FUT9: variants seen among roughly 807,000 people sequenced by gnomAD.
FUT9 encodes the protein fucosyltransferase 9.
FUT9 carries 15 observed loss-of-function variants against 29.7 expected under a neutral mutation model. That is an observed-to-expected ratio of 0.51 (90% CI 0.34 to 0.78). The LOEUF (loss-of-function observed/expected upper bound fraction) is 0.78, where lower values mean the gene tolerates loss of function less well. FUT9 is among the 30% of genes least tolerant of loss of function. The pLI is 0.01. For missense variants in FUT9, 319 were observed against 425.4 expected, an observed-to-expected ratio of 0.75 and a Z score of 2.20; for synonymous variants, 169 against 153.7, an observed-to-expected ratio of 1.10 and a Z score of -0.74.
chr6:96,030,048 C>G (rs1265899412), intron 1 of FUT9, among the ~76,000 whole-genome samples: 1 of 151,532 alleles, frequency 6.6e-6, no homozygotes, highest in African/African-American at 2.4e-5. Flanking sequence ...ATGGGTTTTT[C>G]TGATGACCAG....
At chr6:96,153,602 C>T (rs758442444) in intron 2 of FUT9, among the ~76,000 whole-genome samples, 3 of 152,122 alleles carry the variant, frequency 2.0e-5, no homozygotes, top group Non-Finnish European at 4.4e-5. Flanking sequence ...GTATCTGAAT[C>T]AAGATAATGA....
chr6:96,169,680 T>G (rs920208510), intron 2 of FUT9, among the ~76,000 whole-genome samples: 1 of 152,178 alleles, frequency 6.6e-6, no homozygotes. Context: ...CTAAAGTACT[T>G]CGGCAGTATA....
intron 2 of FUT9, among the ~76,000 whole-genome samples, chr6:96,196,136 G>A (rs138130668): frequency 2.8e-4 from 43 of 152,302 alleles, no homozygotes; most frequent in African/African-American, 8.2e-4. Flanking sequence ...TGTGGGAATA[G>A]AGAGGTGGTG....
intron 1 of FUT9, among the ~76,000 whole-genome samples, chr6:96,075,602 A>G (rs1274575875): frequency 1.3e-5 from 2 of 152,286 alleles, no homozygotes; most frequent in East Asian, 3.9e-4. Flanking sequence ...TATATTTTGA[A>G]AGGAAAATTA....
intron 1 of FUT9, among the ~76,000 whole-genome samples, chr6:96,062,668 AC>A (rs1428058336): frequency 6.6e-6 from 1 of 152,194 alleles, no homozygotes; most frequent in Non-Finnish European, 1.5e-5. Context: ...AGGGTTTAAC[AC>A]TGCATAGTGA....
At chr6:96,083,087 A>G (rs1771264214) in intron 1 of FUT9, among the ~76,000 whole-genome samples, 1 of 151,918 alleles carries the variant, frequency 6.6e-6, no homozygotes, top group Non-Finnish European at 1.5e-5. Context: ...TGAACATTTT[A>G]TATTTCCTTA....
intron 1 of FUT9, among the ~76,000 whole-genome samples, chr6:96,025,554 CTGTGTA>C (rs1258670185): frequency 2.0e-5 from 3 of 151,578 alleles, no homozygotes; most frequent in Non-Finnish European, 3.0e-5. Flanking sequence ...AGTTATGTTT[CTGTGTA>C]AATAAGCGAG....
chr6:96,094,955 G>A (rs1318843499), intron 1 of FUT9, among the ~76,000 whole-genome samples: 1 of 152,038 alleles, frequency 6.6e-6, no homozygotes, highest in Non-Finnish European at 1.5e-5. Flanking sequence ...CCTGAGCAGT[G>A]TACACGGTAC....
chr6:96,114,419 T>G (rs1366225040), intron 2 of FUT9, among the ~76,000 whole-genome samples: 1 of 151,820 alleles, frequency 6.6e-6, no homozygotes, highest in African/African-American at 2.4e-5. Flanking sequence ...TTAAAATTTC[T>G]ATATTCTTTT....
intron 2 of FUT9, among the ~76,000 whole-genome samples, chr6:96,171,579 T>A (rs1049889252): frequency 1.1e-4 from 17 of 152,198 alleles, no homozygotes; most frequent in African/African-American, 3.9e-4. Flanking sequence ...CACAAACATT[T>A]TGCTTTTGTT....
intron 2 of FUT9, among the ~76,000 whole-genome samples, chr6:96,162,696 A>G (rs1293962582): frequency 6.6e-6 from 1 of 152,196 alleles, no homozygotes; most frequent in Non-Finnish European, 1.5e-5. Context: ...TCAGAGACCA[A>G]CGTTAACTAG....
intron 2 of FUT9, among the ~76,000 whole-genome samples, chr6:96,178,021 A>G (rs1773237068): frequency 6.6e-6 from 1 of 152,160 alleles, no homozygotes; most frequent in Non-Finnish European, 1.5e-5. Context: ...AAGGACTAAA[A>G]GAGCATCACA....
At chr6:96,182,052 G>A (rs1167809066) in intron 2 of FUT9, among the ~76,000 whole-genome samples, 1 of 151,950 alleles carries the variant, frequency 6.6e-6, no homozygotes. Flanking sequence ...CAGCACTGTA[G>A]AAGTGTTTCC....
intron 1 of FUT9, among the ~76,000 whole-genome samples, chr6:96,110,244 A>G (rs1219035806): frequency 6.6e-6 from 1 of 151,954 alleles, no homozygotes; most frequent in Non-Finnish European, 1.5e-5. Flanking sequence ...AGTCTCTACT[A>G]CTTTTCTCTT....
chr6:96,206,833 C>T lies in FUT9; in HGVS notation c.*2598C>T, dbSNP rs1773838819. 1.2e-5 allele frequency: 2 copies of T among 166,998 alleles called. No individual in the cohort carries two copies. The highest frequency in any genetic ancestry group is 1.3e-4 in the Admixed American group (2 of 15,262). 10.3% of individuals were successfully genotyped at this position (166,998 alleles called of 1,614,324 possible). On this transcript the variant is annotated 3_prime_UTR_variant, in exon 3 of 3. Transcript: ENST00000302103. ...TCAATATTATTTCAACCTGCCTTGG[C>T]TCTAGTGAATGTTCATGATTTGAAA...
chr6:96,187,092 C>CTG (rs1349725714), intron 2 of FUT9, among the ~76,000 whole-genome samples: 11 of 152,108 alleles, frequency 7.2e-5, no homozygotes, highest in African/African-American at 2.7e-4. Flanking sequence ...GGTTACCAGC[C>CTG]AAGCCTAATG....
intron 2 of FUT9, among the ~76,000 whole-genome samples, chr6:96,126,204 A>G (rs1772130904): frequency 6.6e-6 from 1 of 152,228 alleles, no homozygotes; most frequent in Non-Finnish European, 1.5e-5. Context: ...AATTTATGGT[A>G]CGGCAGGCTG....
intron 1 of FUT9, among the ~76,000 whole-genome samples, chr6:96,072,401 A>G (rs946394558): frequency 1.3e-5 from 2 of 152,238 alleles, no homozygotes; most frequent in African/African-American, 4.8e-5. Context: ...TATTCTCTGC[A>G]TCACTTTGTA....
chr6:96,112,866 T>G (rs755175417), intron 1 of FUT9, among the ~76,000 whole-genome samples: 2 of 152,216 alleles, frequency 1.3e-5, no homozygotes, highest in Non-Finnish European at 2.9e-5. Context: ...TTTAAGTTAT[T>G]CCATAGTTTA....
Sources: gnomAD v4.1 joint callset for allele counts (sites outside exome capture counted in the v4.1 genomes callset) on GRCh38, gnomAD v4.1.1 for gene constraint, MANE v1.5 for transcripts, NCBI Gene and HGNC (gene_info 2026-07-23, HGNC 2026-07-21) for gene names.